The following PHF24 variants were observed in gnomAD, a reference collection of about 807,000 sequenced individuals.
PHF24 encodes the protein PHD finger protein 24, also known as Galpha inhibitory interacting protein.
Under a neutral mutation model 42.6 loss-of-function variants are expected in PHF24, and 25 were observed. The observed-to-expected ratio is 0.59, with a 90% CI of 0.43 to 0.82. The LOEUF (loss-of-function observed/expected upper bound fraction) is 0.82. PHF24 is among the 40% of genes least tolerant of loss of function. The pLI is 0.00. For synonymous variants in PHF24, 185 were observed against 204.8 expected, an observed-to-expected ratio of 0.90 and a Z score of 0.83; for missense variants, 470 against 538.1, an observed-to-expected ratio of 0.87 and a Z score of 1.25.
chr9:34,896,413 A>G, the PHF24 span, among the ~76,000 whole-genome samples: 1 of 152,230 alleles, frequency 6.6e-6, no homozygotes, highest in Non-Finnish European at 1.5e-5. Flanking sequence ...TGCGTGGTCC[A>G]GCCTGAGATG....
the PHF24 span, chr9:34,895,218 T>G: frequency 2.5e-6 from 1 of 396,936 alleles, no homozygotes; most frequent in Non-Finnish European, 4.4e-6. Context: ...CTTTCCTTTC[T>G]GTATTCTTTT....
the PHF24 span, among the ~76,000 whole-genome samples, chr9:34,789,665 C>A: frequency 1.3e-5 from 2 of 152,268 alleles, no homozygotes; most frequent in Admixed American, 1.3e-4. Context: ...TTATTGCATG[C>A]TGGGTTTCTT....
the PHF24 span, among the ~76,000 whole-genome samples, chr9:34,729,803 G>T: frequency 1.3e-5 from 2 of 152,218 alleles, no homozygotes; most frequent in Non-Finnish European, 2.9e-5. Flanking sequence ...CTCATAAGAA[G>T]GGGTAGATAG....
the PHF24 span, among the ~76,000 whole-genome samples, chr9:34,924,371 G>T: frequency 6.6e-6 from 1 of 152,080 alleles, no homozygotes; most frequent in Non-Finnish European, 1.5e-5. Context: ...TGAAAGTGGG[G>T]TGTTGAAGTC....
the PHF24 span, among the ~76,000 whole-genome samples, chr9:34,801,281 C>G: frequency 6.6e-6 from 1 of 152,326 alleles, no homozygotes; most frequent in East Asian, 1.9e-4. Flanking sequence ...TTTGACCCAG[C>G]AATCCCATTA....
At chr9:34,768,737 G>C in the PHF24 span, among the ~76,000 whole-genome samples, 1 of 152,164 alleles carries the variant, frequency 6.6e-6, no homozygotes, top group Admixed American at 6.5e-5. Flanking sequence ...TTGTTTGGTA[G>C]AGAGTGGAGT....
chr9:34,914,050 A>C, the PHF24 span, among the ~76,000 whole-genome samples: 1 of 152,174 alleles, frequency 6.6e-6, no homozygotes, highest in African/African-American at 2.4e-5. Context: ...CTTCACAGAT[A>C]TTTAGCCTTG....
the PHF24 span, chr9:34,726,604 A>C: frequency 6.4e-7 from 1 of 1,551,490 alleles, no homozygotes; most frequent in Non-Finnish European, 8.7e-7. Flanking sequence ...CCCGGAGCAC[A>C]TCTGGCACTT....
exon 8 of PHF24, chr9:34,982,472 A>G (rs1827430538): frequency 6.6e-6 from 1 of 152,240 alleles, no homozygotes; most frequent in African/African-American, 2.4e-5. Context: ...CCCAGCCTTC[A>G]CAGCGCTCCA....
chr9:34,740,229 G>A, the PHF24 span, among the ~76,000 whole-genome samples: 4 of 152,230 alleles, frequency 2.6e-5, no homozygotes, highest in Non-Finnish European at 5.9e-5. Context: ...CCCCGGCCGT[G>A]CGCCCGCACT....
At chr9:34,969,194 AG>A (rs1826883845) in intron 1 of PHF24, among the ~76,000 whole-genome samples, 1 of 152,262 alleles carries the variant, frequency 6.6e-6, no homozygotes, top group Admixed American at 6.5e-5. Flanking sequence ...TGAAAGCTGA[AG>A]GAAGCACTGA....
At chr9:34,837,752 A>G in the PHF24 span, 2 of 1,165,522 alleles carry the variant, frequency 1.7e-6, no homozygotes, top group Admixed American at 2.0e-5. Context: ...TTTCTTTCTC[A>G]TGTCCAAAAT....
the PHF24 span, among the ~76,000 whole-genome samples, chr9:34,879,131 C>G: frequency 1.3e-5 from 2 of 152,170 alleles, no homozygotes; most frequent in African/African-American, 4.8e-5. Flanking sequence ...TCCAACAGAC[C>G]TGCAGCTGAG....
chr9:34,749,706 T>A, the PHF24 span, among the ~76,000 whole-genome samples: 1 of 152,066 alleles, frequency 6.6e-6, no homozygotes, highest in Admixed American at 6.6e-5. Flanking sequence ...GCTGCACCTA[T>A]CAACCTGTTA....
chr9:34,689,968 C>G, the PHF24 span: 1 of 1,614,124 alleles, frequency 6.2e-7, no homozygotes, highest in Non-Finnish European at 8.5e-7. This position sits in a 1 kb window ranked among gnomAD's most constrained non-coding sequence, Gnocchi z 4.1. Flanking sequence ...ATGATGCGTT[C>G]TACCCAGGGC....
the PHF24 span, among the ~76,000 whole-genome samples, chr9:34,929,264 T>A: frequency 6.6e-6 from 1 of 152,206 alleles, no homozygotes. Flanking sequence ...GTTTGTTAGG[T>A]GGGGACCATT....
chr9:34,813,855 G>A, the PHF24 span, among the ~76,000 whole-genome samples: 1 of 147,746 alleles, frequency 6.8e-6, no homozygotes, highest in Non-Finnish European at 1.5e-5. Flanking sequence ...ACCAGGAGGT[G>A]GGATCATGAG....
At chr9:34,973,200 T>C (rs1827068158) in intron 3 of PHF24, among the ~76,000 whole-genome samples, 1 of 152,170 alleles carries the variant, frequency 6.6e-6, no homozygotes, top group African/African-American at 2.4e-5. Context: ...GTTCTTTCTC[T>C]AATAGTCTAT....
chr9:34,677,389 G>GTTTTTTTTTTTTTTTTTTTTTTTT, the PHF24 span, among the ~76,000 whole-genome samples: 24 of 79,768 alleles, frequency 3.0e-4, 2 homozygotes, highest in African/African-American at 4.6e-4. Context: ...TTTGTAAACT[G>GTTTTTTTTTTTTTTTTTTTTTTTT]TTTTTTTTTT....
Sources: gnomAD v4.1 joint callset for allele counts (sites outside exome capture counted in the v4.1 genomes callset) on GRCh38, gnomAD v4.1.1 for gene constraint, Gnocchi (gnomAD v3.1) non-coding constraint, MANE v1.5 for transcripts, NCBI Gene and HGNC (gene_info 2026-07-23, HGNC 2026-07-21) for gene names.